GCNT2: variants seen among roughly 807,000 people sequenced by gnomAD.
GCNT2 encodes N-acetyllactosaminide beta-1,6-N-acetylglucosaminyl-transferase.
A neutral mutation model predicts 34.2 loss-of-function variants in GCNT2; 34 were observed. The ratio of observed to expected loss-of-function variants is 1.00; its 90% CI spans 0.76 to 1.32. GCNT2 has a LOEUF of 1.32. Ranked by LOEUF, GCNT2 falls within the 40% of genes most tolerant of loss-of-function variation. GCNT2 has a pLI of 0.00. For synonymous variants in GCNT2, 212 were observed against 188.0 expected (o/e 1.13, Z -1.04); for missense variants, 584 against 489.4 (o/e 1.19, Z -1.82).
intron 3 of GCNT2, among the ~76,000 whole-genome samples, chr6:10,564,642 T>C (rs551032586): frequency 6.6e-6 from 1 of 152,222 alleles, no homozygotes; most frequent in East Asian, 1.9e-4. Context: ...CTCTGTCACT[T>C]AGAAGTTGTG....
At chr6:10,578,674 C>G (rs2127404642) in intron 3 of GCNT2, among the ~76,000 whole-genome samples, 1 of 152,142 alleles carries the variant, frequency 6.6e-6, no homozygotes, top group African/African-American at 2.4e-5. Context: ...TCTCAATCTC[C>G]TGACCTCGTG....
At chr6:10,537,232 T>C (rs1000685804) in intron 3 of GCNT2, among the ~76,000 whole-genome samples, 1 of 152,212 alleles carries the variant, frequency 6.6e-6, no homozygotes, top group Non-Finnish European at 1.5e-5. Context: ...TGCTAACCAT[T>C]GTCTTCCCTC....
intron 3 of GCNT2, chr6:10,557,356 C>G (rs142210871): frequency 6.3e-7 from 1 of 1,595,856 alleles, no homozygotes; most frequent in African/African-American, 1.3e-5. Context: ...CGTACAATTC[C>G]ATATTTCATG....
At chr6:10,566,200 T>G (rs948653755) in intron 3 of GCNT2, among the ~76,000 whole-genome samples, 7 of 151,930 alleles carry the variant, frequency 4.6e-5, no homozygotes, top group African/African-American at 1.7e-4. Flanking sequence ...TTTTTTTAAT[T>G]CAGCTTAGAG....
intron 3 of GCNT2, chr6:10,556,039 G>C: frequency 8.8e-7 from 1 of 1,140,354 alleles, no homozygotes; most frequent in Non-Finnish European, 1.1e-6. Context: ...CAGTAACCAG[G>C]GGGCGGGGGT....
chr6:10,560,063 T>A (rs1762901049), intron 3 of GCNT2, among the ~76,000 whole-genome samples: 1 of 152,204 alleles, frequency 6.6e-6, no homozygotes, highest in African/African-American at 2.4e-5. Flanking sequence ...GGTTCTTATA[T>A]AACCACACAG....
At chr6:10,586,435 A>G (rs1764350485) in intron 3 of GCNT2, 1 of 1,614,188 alleles carries the variant, frequency 6.2e-7, no homozygotes, top group Non-Finnish European at 8.5e-7. Context: ...TGCTTCCAAA[A>G]TGCTTTCATT....
intron 3 of GCNT2, among the ~76,000 whole-genome samples, chr6:10,578,838 T>C (rs557189802): frequency 7.9e-5 from 12 of 152,282 alleles, no homozygotes; most frequent in Non-Finnish European, 1.5e-5. Flanking sequence ...TTGTTGTTGT[T>C]AAGATCATCA....
intron 3 of GCNT2, among the ~76,000 whole-genome samples, chr6:10,569,274 C>CACACACA (rs1491123758): frequency 5.1e-5 from 7 of 137,062 alleles, no homozygotes; most frequent in Non-Finnish European, 9.3e-5. Flanking sequence ...CACACACACA[C>CACACACA]CCCCTAGGTA....
Position 10,547,727 on chromosome 6 carries a change from C to T in GCNT2, c.925+17891C>T, listed in dbSNP as rs185950406. ...TGCCTGACTCAGTTTTTACTGTGAT[C>T]GTTACCAAATCATGAATTTTAAATA... On this transcript the variant is annotated intron_variant, in intron 3 of 4. Transcript: ENST00000495262. Among the ~76,000 whole-genome samples, 10 of 152,210 alleles carry T rather than the reference C, an allele frequency of 6.6e-5. No homozygotes were observed. The East Asian group carries it at 1.7e-3, about 26-fold the overall frequency.
intron 3 of GCNT2, among the ~76,000 whole-genome samples, chr6:10,608,981 C>T (rs970394673): frequency 6.6e-6 from 1 of 152,144 alleles, no homozygotes; most frequent in Non-Finnish European, 1.5e-5. Context: ...CCTAAAACCC[C>T]GGTGAATTGT....
At chr6:10,562,554 C>G (rs1028692937) in intron 3 of GCNT2, among the ~76,000 whole-genome samples, 1 of 142,302 alleles carries the variant, frequency 7.0e-6, no homozygotes, top group Non-Finnish European at 1.5e-5. Flanking sequence ...CCTGTCTCTA[C>G]AAAAAATAAA....
In GCNT2 at chr6:10,529,328, A is replaced by AC. The variant is rs770201660; in HGVS notation, c.417_418insC (p.Val140ArgfsTer31). The AC allele has an allele frequency of 6.2e-7, 1 of 1,614,150 alleles. No individual in the cohort carries two copies. Among genetic ancestry groups the AC allele is most frequent in the Non-Finnish European group, 8.5e-7 (1 of 1,180,020 alleles). On this transcript the variant is annotated frameshift_variant, in exon 3 of 5. Transcript: ENST00000495262. LOFTEE classifies it high-confidence loss of function. ...AGGCGACGGATGCCTTTAAAGGTGC[A>AC]GTGAAACAGTTACTCAGCTGCTTCC...
At chr6:10,584,363 A>AT (rs1197829804) in intron 3 of GCNT2, among the ~76,000 whole-genome samples, 5 of 152,124 alleles carry the variant, frequency 3.3e-5, no homozygotes, top group Admixed American at 1.3e-4. Flanking sequence ...CCATAAGGCG[A>AT]TTTTCTCTTA....
At chr6:10,558,116 T>G (rs1176107336) in intron 3 of GCNT2, 1 of 152,294 alleles carries the variant, frequency 6.6e-6, no homozygotes, top group African/African-American at 2.4e-5. Flanking sequence ...CTGTTTTTCT[T>G]TTAAAGAGTT....
intron 3 of GCNT2, among the ~76,000 whole-genome samples, chr6:10,549,561 CTCTTTTTTT>C (rs1331170301): frequency 0.011 from 1,229 of 111,280 alleles, 28 homozygotes; most frequent in African/African-American, 0.05. Context: ...CAATCTCTCT[CTCTTTTTTT>C]TTTTTTTTTT....
intron 3 of GCNT2, among the ~76,000 whole-genome samples, chr6:10,547,329 G>T (rs556818112): frequency 6.6e-6 from 1 of 152,148 alleles, no homozygotes; most frequent in Non-Finnish European, 1.5e-5. Flanking sequence ...AGTGTGCATG[G>T]TTATACTCAT....
chr6:10,617,286 G>T (rs942292421), intron 3 of GCNT2, among the ~76,000 whole-genome samples: 1 of 152,206 alleles, frequency 6.6e-6, no homozygotes, highest in Non-Finnish European at 1.5e-5. Flanking sequence ...TGCCCCGGGC[G>T]GCGGGGCCGG....
At chr6:10,536,505 C>T (rs1761760145) in intron 3 of GCNT2, among the ~76,000 whole-genome samples, 3 of 150,454 alleles carry the variant, frequency 2.0e-5, no homozygotes. Flanking sequence ...CAGGCGCCCA[C>T]CACTGTGCCC....
Sources: allele counts gnomAD v4.1 joint callset (sites outside exome capture counted in the v4.1 genomes callset), GRCh38; gene constraint gnomAD v4.1.1; transcripts MANE v1.5; gene names NCBI Gene and HGNC (gene_info 2026-07-23, HGNC 2026-07-21).